The following HDHD2 variants were observed in gnomAD, a reference collection of about 807,000 sequenced individuals.
HDHD2 encodes haloacid dehalogenase-like hydrolase domain-containing protein 2.
In HDHD2, 26 loss-of-function variants were observed where a neutral mutation model predicts 24.8. The ratio of observed to expected loss-of-function variants is 1.05; its 90% confidence interval spans 0.77 to 1.45. The LOEUF (loss-of-function observed/expected upper bound fraction) is 1.45. HDHD2 is among the 40% of genes most tolerant of loss of function. The pLI, the probability that HDHD2 is intolerant of heterozygous loss-of-function variation, is 0.00. For missense variants in HDHD2, 299 were observed against 313.4 expected, an observed-to-expected ratio of 0.95 and a Z score of 0.35; for synonymous variants, 128 against 114.9, an observed-to-expected ratio of 1.11 and a Z score of -0.73.
chr18:47,133,497 T>TTGGGTATATACCAAG (rs570277112), intron 3 of HDHD2, among the ~76,000 whole-genome samples: 1 of 104,464 alleles, frequency 9.6e-6, no homozygotes, highest in African/African-American at 3.5e-5. Flanking sequence ...TTATAGTCCT[T>TTGGGTATATACCAAG]TAATGGGATG....
chr18:47,124,153 T>G (rs1469625269), intron 4 of HDHD2, among the ~76,000 whole-genome samples: 2 of 152,090 alleles, frequency 1.3e-5, no homozygotes, highest in Non-Finnish European at 2.9e-5. Context: ...TTCACAAAAA[T>G]TAATTCAAAA....
intron 1 of HDHD2, 140 bp from the exon 2 acceptor site, chr18:47,136,589 T>C: frequency 1.6e-6 from 1 of 612,188 alleles, no homozygotes; most frequent in Non-Finnish European, 2.5e-6. Flanking sequence ...AGAAAACTGG[T>C]TTTAAAAATT....
chr18:47,116,001 C>T (rs896783295), intron 4 of HDHD2, among the ~76,000 whole-genome samples: 4 of 152,190 alleles, frequency 2.6e-5, no homozygotes, highest in Non-Finnish European at 4.4e-5. Flanking sequence ...TGATACAGGA[C>T]GAAGAATACT....
At chr18:47,119,664 T>C (rs570796486) in intron 4 of HDHD2, among the ~76,000 whole-genome samples, 6 of 152,348 alleles carry the variant, frequency 3.9e-5, no homozygotes, top group Non-Finnish European at 8.8e-5. Flanking sequence ...CCTGTTGATG[T>C]TGACATTTTG....
intron 4 of HDHD2, among the ~76,000 whole-genome samples, chr18:47,121,912 G>A (rs1469889317): frequency 6.6e-6 from 1 of 152,170 alleles, no homozygotes; most frequent in East Asian, 1.9e-4. Context: ...CAGCTTAAAT[G>A]TCAGCAAATC....
chr18:47,110,881 T>C (rs1213507028), intron 6 of HDHD2: 3 of 984,838 alleles, frequency 3.0e-6, no homozygotes, highest in Middle Eastern at 5.2e-4. Context: ...TAACAAATAA[T>C]TGATCAAATT....
intron 1 of HDHD2, among the ~76,000 whole-genome samples, chr18:47,145,290 A>G (rs2063858255): frequency 6.6e-6 from 1 of 152,248 alleles, no homozygotes; most frequent in Non-Finnish European, 1.5e-5. Context: ...ACCAGTACAA[A>G]TGGCCAAGTA....
chr18:47,118,513 T>C (rs1408513085), intron 4 of HDHD2, among the ~76,000 whole-genome samples: 1 of 152,076 alleles, frequency 6.6e-6, no homozygotes, highest in African/African-American at 2.4e-5. Context: ...TTCTCACTTA[T>C]AAGTGGGAGC....
At chr18:47,141,561 T>G (rs2063819755) in intron 1 of HDHD2, among the ~76,000 whole-genome samples, 1 of 152,226 alleles carries the variant, frequency 6.6e-6, no homozygotes, top group Non-Finnish European at 1.5e-5. Flanking sequence ...CTCCATTGAT[T>G]TACTCAATCA....
chr18:47,128,668 A>G (rs1568052173), intron 4 of HDHD2, among the ~76,000 whole-genome samples: 1 of 152,240 alleles, frequency 6.6e-6, no homozygotes, highest in Non-Finnish European at 1.5e-5. Context: ...TTTAAACAAG[A>G]GCTTGACTAT....
intron 4 of HDHD2, among the ~76,000 whole-genome samples, chr18:47,119,732 A>G (rs2063588074): frequency 6.6e-6 from 1 of 152,154 alleles, no homozygotes; most frequent in Admixed American, 6.5e-5. Context: ...TCCTTTCCAG[A>G]AGGTTTTCAA....
chr18:47,121,695 G>A (rs1405944454), intron 4 of HDHD2, among the ~76,000 whole-genome samples: 1 of 152,100 alleles, frequency 6.6e-6, no homozygotes, highest in Non-Finnish European at 1.5e-5. Flanking sequence ...AGTCTCGAAA[G>A]CCTTGCCCTA....
At position 47,148,085 on chromosome 18, in the gene HDHD2, G is replaced by A. The variant is rs978005955; in HGVS notation, c.-11+2293C>T. Among the ~76,000 whole-genome samples the A allele has an allele frequency of 5.4e-5, 8 of 148,614 alleles. 1 individual carries two copies. Among genetic ancestry groups the A allele is most frequent in the Admixed American group, 4.1e-4 (6 of 14,746 alleles). Reference sequence around the variant, plus strand: ...AGCTCACTGCAACCTCTGCCTCCCCGGCTCAAGCCATCCTCCCACCTCCGC... The same window carrying A: ...AGCTCACTGCAACCTCTGCCTCCCCAGCTCAAGCCATCCTCCCACCTCCGC... On this transcript the variant is annotated intron_variant, in intron 1 of 6. Coordinates refer to ENST00000300605, the MANE Select transcript of HDHD2 (RefSeq NM_032124.5).
intron 1 of HDHD2, among the ~76,000 whole-genome samples, chr18:47,143,501 G>A (rs1398924772): frequency 1.3e-5 from 2 of 152,110 alleles, no homozygotes; most frequent in African/African-American, 4.8e-5. Context: ...AACTACTCAT[G>A]ATGCTTAAGA....
intron 4 of HDHD2, among the ~76,000 whole-genome samples, chr18:47,116,205 T>C (rs1287443818): frequency 2.6e-5 from 4 of 152,204 alleles, no homozygotes; most frequent in African/African-American, 7.2e-5. Context: ...TTTAGTCACA[T>C]GGCAGAAGTA....
At chr18:47,118,815 T>G (rs556994986) in intron 4 of HDHD2, among the ~76,000 whole-genome samples, 1 of 151,456 alleles carries the variant, frequency 6.6e-6, no homozygotes, top group Non-Finnish European at 1.5e-5. Flanking sequence ...ACAGATGAGA[T>G]CATCTGAGAT....
intron 1 of HDHD2, among the ~76,000 whole-genome samples, chr18:47,142,088 T>G (rs1347334157): frequency 6.6e-6 from 1 of 152,174 alleles, no homozygotes; most frequent in Non-Finnish European, 1.5e-5. Flanking sequence ...CAATGTGGAA[T>G]TGTGAGTCCA....
At chr18:47,134,863 A>C (rs1372941803) in intron 2 of HDHD2, among the ~76,000 whole-genome samples, 159 bp from the exon 3 acceptor site, 1 of 152,214 alleles carries the variant, frequency 6.6e-6, no homozygotes, top group Non-Finnish European at 1.5e-5. Context: ...CAGTTTACAT[A>C]GCTACTTAGA....
chr18:47,137,208 G>T, intron 1 of HDHD2: 1 of 656,066 alleles, frequency 1.5e-6, no homozygotes, highest in Non-Finnish European at 2.9e-6. Context: ...CAATTTGATG[G>T]GCAATCAATC....
Sources: gnomAD v4.1 joint callset for allele counts (sites outside exome capture counted in the v4.1 genomes callset) on GRCh38, gnomAD v4.1.1 for gene constraint, MANE v1.5 for transcripts, NCBI Gene and HGNC (gene_info 2026-07-23, HGNC 2026-07-21) for gene names.